Variants in DLST observed in about 807,000 individuals in gnomAD.
DLST encodes the protein dihydrolipoyllysine-residue succinyltransferase component of 2-oxoglutarate dehydrogenase complex, mitochondrial.
Under a neutral mutation model 53.1 loss-of-function variants are expected in DLST, and 17 were observed. The ratio of observed to expected loss-of-function variants is 0.32; its 90% confidence interval spans 0.22 to 0.48. The LOEUF (loss-of-function observed/expected upper bound fraction) is 0.48. Ranked by LOEUF, DLST falls within the 20% of genes least tolerant of loss-of-function variation. DLST has a pLI of 0.99. For missense variants in DLST, 512 were observed against 583.9 expected, an observed-to-expected ratio of 0.88 and a Z score of 1.27; for synonymous variants, 206 against 204.8, an observed-to-expected ratio of 1.01 and a Z score of -0.05.
chr14:74,887,420 TAATG>T (rs1272409055), intron 3 of DLST, among the ~76,000 whole-genome samples: 2 of 152,168 alleles, frequency 1.3e-5, no homozygotes, highest in Non-Finnish European at 2.9e-5. Context: ...TGAAAGTAAA[TAATG>T]AAGAAAAAGT....
intron 10 of DLST, 143 bp from the exon 11 acceptor site, chr14:74,898,226 G>A: frequency 9.8e-7 from 1 of 1,025,046 alleles, no homozygotes. Flanking sequence ...TTAACCTCAG[G>A]TAGACTATTT....
At position 74,893,006 on chromosome 14, in the gene DLST, A is replaced by G. The variant is rs751509603; in HGVS notation, c.595+20A>G. The stretch of plus-strand genomic sequence containing the variant: ...AACCTGGTAGGCTTCCAACTCCCAC[A>G]TGTCATGTGGGAGAACATCTCGTCT... On this transcript the variant is annotated intron_variant, in intron 8 of 14. Transcript: ENST00000334220. 4 of 1,605,162 alleles carry G rather than the reference A, an allele frequency of 2.5e-6. No individual in the cohort carries two copies. Among genetic ancestry groups the G allele is most frequent in the Admixed American group, 1.7e-5 (1 of 57,904 alleles).
At chr14:74,900,054 A>ATCTCCTTCACAC in intron 12 of DLST, 58 bp downstream of exon 12, 1 of 1,369,384 alleles carries the variant, frequency 7.3e-7, no homozygotes, top group South Asian at 1.2e-5. Context: ...TATCTGTGTG[A>ATCTCCTTCACAC]AGGAGATCAC....
rs138261528 is a variant in DLST at position 74,882,730 on chromosome 14, G to A, written c.97+106G>A. 412 of 1,032,218 alleles carry A rather than the reference G, an allele frequency of 4.0e-4. 2 individuals carry two copies. In the African/African-American group the frequency reaches 5.5e-3, roughly 14 times the overall value. The allele number at this position is 1,032,218 out of a possible 1,614,324, so 63.9% of individuals were successfully genotyped here. Reference sequence around the variant, plus strand: ...TTCTCATAATATTTAAAGACAGTTTGGTTCAGAGAGTAGTGAGACGCAATG... The same window carrying A: ...TTCTCATAATATTTAAAGACAGTTTAGTTCAGAGAGTAGTGAGACGCAATG... On this transcript the variant is annotated intron_variant, in intron 2 of 14. Transcript: ENST00000334220.
At chr14:74,885,727 C>T in intron 3 of DLST, 93 bp downstream of exon 3, 3 of 1,182,054 alleles carry the variant, frequency 2.5e-6, no homozygotes, top group Non-Finnish European at 3.6e-6. Context: ...TCTTCACTGG[C>T]CTCCAGACCT....
chr14:74,889,841 G>C, intron 5 of DLST, 56 bp from the exon 6 acceptor site: 1 of 1,588,284 alleles, frequency 6.3e-7, no homozygotes, highest in South Asian at 1.1e-5. Flanking sequence ...GGGTTTTGTG[G>C]CTACTGGAGG....
chr14:74,902,483 C>T lies in DLST; in HGVS notation c.*153C>T. ...CAGAGCACTGTGTAACCAGCAGTCACAGGTCTTTTCTTGGCGTTCCTGCCA... is the reference window on the plus strand; with the variant it reads ...CAGAGCACTGTGTAACCAGCAGTCATAGGTCTTTTCTTGGCGTTCCTGCCA... On this transcript the variant is annotated 3_prime_UTR_variant, in exon 15 of 15. Coordinates refer to ENST00000334220, the MANE Select transcript of DLST (RefSeq NM_001933.5). 1.1e-6 allele frequency: 1 copy of T among 894,022 alleles called. No individual in the cohort carries two copies. Among genetic ancestry groups the T allele is most frequent in the Non-Finnish European group, 1.6e-6 (1 of 632,436 alleles). The allele number at this position is 894,022 out of a possible 1,614,324, so 55.4% of individuals were successfully genotyped here.
intron 9 of DLST, 78 bp downstream of exon 9, chr14:74,893,502 C>T: frequency 6.6e-7 from 1 of 1,506,438 alleles, no homozygotes; most frequent in Non-Finnish European, 9.2e-7. Flanking sequence ...GTGGTGATGC[C>T]TACCTTTGAA....
At chr14:74,891,208 C>G in intron 7 of DLST, 41 bp downstream of exon 7, 2 of 1,613,460 alleles carry the variant, frequency 1.2e-6, no homozygotes, top group Non-Finnish European at 1.7e-6. Flanking sequence ...CCAGTGTTCC[C>G]TCTTGGGATT....
chr14:74,884,730 TG>T (rs1883645588), intron 2 of DLST, among the ~76,000 whole-genome samples: 2 of 152,182 alleles, frequency 1.3e-5, no homozygotes, highest in Admixed American at 6.5e-5. Context: ...CATTGGCTGC[TG>T]GACATAAAGG....
At chr14:74,882,744 TGAG>T in intron 2 of DLST, 120 bp downstream of exon 2, 2 of 847,068 alleles carry the variant, frequency 2.4e-6, no homozygotes, top group Non-Finnish European at 3.9e-6. Context: ...CAGAGAGTAG[TGAG>T]ACGCAATGCT....
chr14:74,898,309 A>T lies in DLST; in HGVS notation c.771-60A>T, dbSNP rs540330361. 5.2e-5 allele frequency: 83 copies of T among 1,584,332 alleles called. No individual in the cohort carries two copies. The African/African-American group carries it at 1.1e-3, about 21-fold the overall frequency. On this transcript the variant is annotated intron_variant, in intron 10 of 14. Transcript: ENST00000334220. ...CCTAATTGTGTATATGGATTGAGAA[A>T]CCTGTGTGAAAGTCAAAATGCAGGC...
At position 74,891,432 on chromosome 14, in the gene DLST, T is replaced by TA. The variant is rs1197163613; in HGVS notation, c.442+266dup. On this transcript the variant is annotated intron_variant, in intron 7 of 14. Coordinates refer to ENST00000334220, the MANE Select transcript of DLST (RefSeq NM_001933.5). ...GGAGCTGAGAAACTGGACCTTTTCT[T>TA]ATAGATATACAGATTGAGCATACCT... 3 of 1,132,862 alleles carry TA rather than the reference T, an allele frequency of 2.6e-6. No homozygotes were observed. The African/African-American group carries it at 4.8e-5, about 18-fold the overall frequency. 70.2% of individuals were successfully genotyped at this position (1,132,862 alleles called of 1,614,324 possible).
chr14:74,888,983 A>C, intron 3 of DLST, 112 bp from the exon 4 acceptor site: 1 of 1,046,910 alleles, frequency 9.6e-7, no homozygotes, highest in Non-Finnish European at 1.5e-6. Flanking sequence ...ACTGATGGAC[A>C]CCCCTGGTCA....
intron 10 of DLST, among the ~76,000 whole-genome samples, chr14:74,895,286 T>C (rs544633892): frequency 8.5e-5 from 13 of 152,354 alleles, no homozygotes; most frequent in African/African-American, 2.9e-4. Context: ...AACCTTAGAA[T>C]GTTAACCAAA....
chr14:74,882,546 T>C (rs763489382), intron 1 of DLST, 45 bp from the exon 2 acceptor site: 6 of 1,609,230 alleles, frequency 3.7e-6, no homozygotes, highest in Non-Finnish European at 5.1e-6. Flanking sequence ...AGCTGGGTTT[T>C]TTTTTCATCT....
intron 11 of DLST, among the ~76,000 whole-genome samples, chr14:74,899,607 G>A (rs773059512): frequency 6.6e-6 from 1 of 152,122 alleles, no homozygotes; most frequent in Non-Finnish European, 1.5e-5. Context: ...CTAAAGGAGG[G>A]CTTGACTAGA....
Position 74,885,641 on chromosome 14 carries a change from A to T in DLST, c.146+7A>T. On this transcript the variant is annotated splice_region_variant and intron_variant, in intron 3 of 14. Coordinates refer to ENST00000334220, the MANE Select transcript of DLST (RefSeq NM_001933.5). ...CTAACAGCAGGAAGGTTGTGTAAGTATCACTGGGGAGTACAGATATGTGGC... is the reference window on the plus strand; with the variant it reads ...CTAACAGCAGGAAGGTTGTGTAAGTTTCACTGGGGAGTACAGATATGTGGC... 6.2e-7 allele frequency: 1 copy of T among 1,611,542 alleles called. No homozygotes were observed. The highest frequency in any genetic ancestry group is 8.5e-7 in the Non-Finnish European group (1 of 1,178,836).
chr14:74,898,744 A>G (rs758338155), intron 11 of DLST, among the ~76,000 whole-genome samples: 5 of 152,232 alleles, frequency 3.3e-5, no homozygotes, highest in African/African-American at 4.8e-5. Flanking sequence ...CTCAGGCAGC[A>G]GGCAGTTCTG....
Sources: allele counts gnomAD v4.1 joint callset (sites outside exome capture counted in the v4.1 genomes callset), GRCh38; gene constraint gnomAD v4.1.1; transcripts MANE v1.5; gene names NCBI Gene and HGNC (gene_info 2026-07-23, HGNC 2026-07-21).